AGAP1: variants seen among roughly 807,000 people sequenced by gnomAD.
AGAP1 encodes the protein ArfGAP with GTPase domain, ankyrin repeat and PH domain 1, also known as arf-GAP with GTPase, ANK repeat and PH domain-containing protein 1.
A neutral mutation model predicts 105.3 loss-of-function variants in AGAP1; 29 were observed. The ratio of observed to expected loss-of-function variants is 0.28; its 90% CI spans 0.21 to 0.38. The LOEUF is 0.38. AGAP1 is among the 10% of genes least tolerant of loss of function. AGAP1 has a pLI of 1.00. For synonymous variants in AGAP1, 509 were observed against 485.9 expected (o/e 1.05, Z -0.63); for missense variants, 998 against 1,165.1 (o/e 0.86, Z 2.09).
chr2:235,702,934 G>GTTGTTTTTTTTTTTTTTTTTTT (rs1950325980), intron 1 of AGAP1, among the ~76,000 whole-genome samples: 3 of 88,948 alleles, frequency 3.4e-5, no homozygotes, highest in Non-Finnish European at 4.4e-5. Flanking sequence ...AGTTTTCTTG[G>GTTGTTTTTTTTTTTTTTTTTTT]TTTTTTTTTT....
chr2:235,892,928 A>G (rs1356630191), intron 10 of AGAP1, among the ~76,000 whole-genome samples: 2 of 152,214 alleles, frequency 1.3e-5, no homozygotes, highest in East Asian at 3.9e-4. Flanking sequence ...AAAAAGACAG[A>G]CCTCCCTTTC....
chr2:235,704,898 G>T (rs1196235470), intron 1 of AGAP1, among the ~76,000 whole-genome samples: 1 of 151,714 alleles, frequency 6.6e-6, no homozygotes, highest in Non-Finnish European at 1.5e-5. Context: ...GGCGAGCCCG[G>T]CACCTGTCTA....
rs763305840 is a variant in AGAP1, at chr2:235,664,169, T to TA, written c.164-45006dup. On this transcript the variant is annotated intron_variant, in intron 1 of 17. Transcript: ENST00000304032. This position sits in a 1 kb window ranked among gnomAD's most constrained non-coding sequence, Gnocchi z 5.7. The stretch of plus-strand genomic sequence containing the variant: ...TTCAGTGTTGTTTGTGTTGGCTCTG[T>TA]AAAACGATGCTTAATAGATTGGATT... 5.3e-5 allele frequency among the ~76,000 whole-genome samples: 8 copies of TA among 152,240 alleles called. No individual in the cohort carries two copies. The East Asian group carries it at 9.7e-4, about 18-fold the overall frequency.
chr2:235,635,827 A>G lies in AGAP1; in HGVS notation c.164-73352A>G, dbSNP rs924194082. On this transcript the variant is annotated intron_variant, in intron 1 of 17. Coordinates refer to ENST00000304032, the MANE Select transcript of AGAP1 (RefSeq NM_001037131.3). The surrounding 1 kb of genome is among the most constrained non-coding windows in gnomAD (Gnocchi z 5.3). Reference sequence around the variant, plus strand: ...TTCCTTTCCGTGCTTTAAAAGTCTCATCTTAGACCGGGCACAGTGACTCAT... The same window carrying G: ...TTCCTTTCCGTGCTTTAAAAGTCTCGTCTTAGACCGGGCACAGTGACTCAT... 2.0e-5 allele frequency among the ~76,000 whole-genome samples: 3 copies of G among 152,144 alleles called. No individual in the cohort carries two copies. The highest frequency in any genetic ancestry group is 2.4e-5 in the African/African-American group (1 of 41,432).
At chr2:235,686,665 A>ATATTTT (rs1369766503) in intron 1 of AGAP1, among the ~76,000 whole-genome samples, 3 of 77,488 alleles carry the variant, frequency 3.9e-5, no homozygotes, top group African/African-American at 1.9e-4. Flanking sequence ...ATATATATAT[A>ATATTTT]TTTTTTTTTT....
At chr2:235,995,972 TCA>T (rs1278518676) in intron 13 of AGAP1, among the ~76,000 whole-genome samples, 2 of 152,150 alleles carry the variant, frequency 1.3e-5, no homozygotes, top group African/African-American at 4.8e-5. Flanking sequence ...TTTTCAGCCC[TCA>T]CAGCCTCCCT....
intron 15 of AGAP1, among the ~76,000 whole-genome samples, chr2:236,043,117 G>C (rs1381663817): frequency 1.3e-5 from 2 of 152,246 alleles, no homozygotes; most frequent in African/African-American, 4.8e-5. Flanking sequence ...GATTTGTTAA[G>C]TAAAAATACC....
At position 235,621,220 on chromosome 2, in the gene AGAP1, C is replaced by T. The variant is rs1465314369; in HGVS notation, c.164-87959C>T. Among the ~76,000 whole-genome samples the T allele has an allele frequency of 6.6e-6, 1 of 152,142 alleles. No individual in the cohort carries two copies. Among genetic ancestry groups the T allele is most frequent in the Non-Finnish European group, 1.5e-5 (1 of 68,024 alleles). On this transcript the variant is annotated intron_variant, in intron 1 of 17. Transcript: ENST00000304032. The surrounding 1 kb of genome is among the most constrained non-coding windows in gnomAD (Gnocchi z 4.1). ...TATTTTTAGTACAGATAGGGATTCA[C>T]CGTGTTGGCCAGGGTGGTCTTGAAC... is the stretch of plus-strand genomic sequence containing the variant.
rs2049691341 is a variant in AGAP1, at chr2:235,875,686, G to A, written c.1051-7659G>A. ...GTTTCCCATCTGCATTTGCTTATGG[G>A]GCGCCATGACACCAACACATGGAGC... On this transcript the variant is annotated intron_variant, in intron 9 of 17. Transcript: ENST00000304032. The surrounding 1 kb of genome is among the most constrained non-coding windows in gnomAD (Gnocchi z 4.0). 1.3e-5 allele frequency among the ~76,000 whole-genome samples: 2 copies of A among 152,114 alleles called. No homozygotes were observed. Among genetic ancestry groups the A allele is most frequent in the African/African-American group, 2.4e-5 (1 of 41,420 alleles).
chr2:235,515,812 T>C (rs1448183203), intron 1 of AGAP1, among the ~76,000 whole-genome samples: 1 of 152,116 alleles, frequency 6.6e-6, no homozygotes, highest in Non-Finnish European at 1.5e-5. Flanking sequence ...AGTAAGGAAA[T>C]TAAACACGCA....
At chr2:235,738,525 T>A (rs546795511) in intron 3 of AGAP1, among the ~76,000 whole-genome samples, 4 of 152,094 alleles carry the variant, frequency 2.6e-5, no homozygotes, top group African/African-American at 9.6e-5. Context: ...AGGAACAGAT[T>A]TCCTTTTCAA....
At position 235,609,820 on chromosome 2, in the gene AGAP1, G is replaced by A. The variant is rs1946068072; in HGVS notation, c.164-99359G>A. Among the ~76,000 whole-genome samples, 1 of 152,098 alleles carries A rather than the reference G, an allele frequency of 6.6e-6. No individual in the cohort carries two copies. Among genetic ancestry groups the A allele is most frequent in the South Asian group, 2.1e-4 (1 of 4,822 alleles). ...GTGGGAGGCTGTGGGCATATTTGGC[G>A]CTTGGCAGGATTGAAGGCGCAACTC... On this transcript the variant is annotated intron_variant, in intron 1 of 17. Coordinates refer to ENST00000304032, the MANE Select transcript of AGAP1 (RefSeq NM_001037131.3). The surrounding 1 kb of genome is among the most constrained non-coding windows in gnomAD (Gnocchi z 5.1).
chr2:235,741,713 A>ATTG lies in AGAP1; in HGVS notation c.396+677_396+679dup, dbSNP rs200716689. Among the ~76,000 whole-genome samples, 2 of 146,970 alleles carry ATTG rather than the reference A, an allele frequency of 1.4e-5. No individual in the cohort carries two copies. Among genetic ancestry groups the ATTG allele is most frequent in the Non-Finnish European group, 1.5e-5 (1 of 67,350 alleles). ...CTTTATTATTATTGTTATTATTATT[A>ATTG]TTGTTGTTGTTGTTATTATTATTAT... is the stretch of plus-strand genomic sequence containing the variant. On this transcript the variant is annotated intron_variant, in intron 4 of 17. Coordinates refer to ENST00000304032, the MANE Select transcript of AGAP1 (RefSeq NM_001037131.3). The surrounding 1 kb of genome is among the most constrained non-coding windows in gnomAD (Gnocchi z 4.9).
rs929125162 is a variant in AGAP1, at chr2:235,788,231, G to A, written c.674-9528G>A. On this transcript the variant is annotated intron_variant, in intron 6 of 17. Transcript: ENST00000304032. This position sits in a 1 kb window ranked among gnomAD's most constrained non-coding sequence, Gnocchi z 6.0. ...ACGGTACAGCCAGCCGGAGACACAG[G>A]GTTCCAGACACAGCTTAATTCCTTC... Among the ~76,000 whole-genome samples, 3 of 146,166 alleles carry A rather than the reference G, an allele frequency of 2.1e-5. No individual in the cohort carries two copies. Among genetic ancestry groups the A allele is most frequent in the African/African-American group, 8.4e-5 (3 of 35,722 alleles).
intron 1 of AGAP1, among the ~76,000 whole-genome samples, chr2:235,496,855 G>A (rs1941341978): frequency 6.6e-6 from 1 of 152,118 alleles, no homozygotes; most frequent in African/African-American, 2.4e-5. Flanking sequence ...CTTCTTGGCC[G>A]GGATCCTTGT....
rs914792455 is a variant in AGAP1 at position 235,586,067 on chromosome 2, T to C, written c.163+91218T>C. On this transcript the variant is annotated intron_variant, in intron 1 of 17. Transcript: ENST00000304032. The surrounding 1 kb of genome is among the most constrained non-coding windows in gnomAD (Gnocchi z 4.2). ...TGAGTGGGAAGGGGATTTAGGAGCTTCATGAGCGAGTCAAATGCAAGTTGG... is the reference window on the plus strand; with the variant it reads ...TGAGTGGGAAGGGGATTTAGGAGCTCCATGAGCGAGTCAAATGCAAGTTGG... Among the ~76,000 whole-genome samples the C allele has an allele frequency of 6.6e-6, 1 of 152,096 alleles. No homozygotes were observed. Among genetic ancestry groups the C allele is most frequent in the Non-Finnish European group, 1.5e-5 (1 of 68,008 alleles).
intron 10 of AGAP1, among the ~76,000 whole-genome samples, chr2:235,886,794 C>T (rs536154612): frequency 2.6e-5 from 4 of 152,276 alleles, no homozygotes; most frequent in East Asian, 1.9e-4. Flanking sequence ...TGACCTTCCA[C>T]GTAATCCTTC....
rs1952522440 is a variant in AGAP1, at chr2:235,740,596, T to C, written c.311-367T>C. 6.6e-6 allele frequency among the ~76,000 whole-genome samples: 1 copy of C among 152,228 alleles called. No individual in the cohort carries two copies. On this transcript the variant is annotated intron_variant, in intron 3 of 17. Transcript: ENST00000304032. The surrounding 1 kb of genome is among the most constrained non-coding windows in gnomAD (Gnocchi z 5.7). Reference sequence around the variant, plus strand: ...AGGCACCTGTTAAGCATGAAAAATTTGTTTCAGTTTTGTGAACCCAACAAG... The same window carrying C: ...AGGCACCTGTTAAGCATGAAAAATTCGTTTCAGTTTTGTGAACCCAACAAG...
chr2:236,028,496 T>A (rs1395874273), intron 13 of AGAP1, among the ~76,000 whole-genome samples: 3 of 152,248 alleles, frequency 2.0e-5, no homozygotes, highest in Non-Finnish European at 4.4e-5. Context: ...TGTCTATTAT[T>A]TGTGAAGGCA....
Sources: gnomAD v4.1 joint callset for allele counts (sites outside exome capture counted in the v4.1 genomes callset) on GRCh38, gnomAD v4.1.1 for gene constraint, Gnocchi (gnomAD v3.1) non-coding constraint, MANE v1.5 for transcripts, NCBI Gene and HGNC (gene_info 2026-07-23, HGNC 2026-07-21) for gene names.